Variants in SHOC2 observed in about 807,000 individuals in gnomAD.
SHOC2 encodes the protein SHOC2 leucine rich repeat scaffold protein.
Under a neutral mutation model 50.2 loss-of-function variants are expected in SHOC2, and 4 were observed. The observed-to-expected ratio is 0.08, with a 90% CI of 0.04 to 0.18. SHOC2 has a LOEUF of 0.18. SHOC2 is among the 10% of genes least tolerant of loss of function. SHOC2 has a pLI of 1.00. For synonymous variants in SHOC2, 218 were observed against 244.5 expected, an observed-to-expected ratio of 0.89 and a Z score of 1.01; for missense variants, 388 against 669.6, an observed-to-expected ratio of 0.58 and a Z score of 4.64.
At chr10:110,997,490 C>T (rs765101567) in intron 3 of SHOC2, among the ~76,000 whole-genome samples, 8 of 151,880 alleles carry the variant, frequency 5.3e-5, no homozygotes, top group East Asian at 1.9e-4. Context: ...CTGTTTCTTA[C>T]GTTGTTGAAA....
chr10:110,985,179 A>G (rs1848055069), intron 2 of SHOC2, among the ~76,000 whole-genome samples: 1 of 152,102 alleles, frequency 6.6e-6, no homozygotes, highest in Non-Finnish European at 1.5e-5. Context: ...CCATGTCTTG[A>G]GGTAGATTAT....
Position 111,011,955 on chromosome 10 carries a change from G to T in SHOC2, c.*137G>T. 1 of 739,252 alleles carries T rather than the reference G, an allele frequency of 1.4e-6. No homozygotes were observed. The highest frequency in any genetic ancestry group is 1.7e-5 in the South Asian group (1 of 60,046). 45.8% of individuals were successfully genotyped at this position (739,252 alleles called of 1,614,324 possible). On this transcript the variant is annotated 3_prime_UTR_variant, in exon 9 of 9. Transcript: ENST00000369452. ...TGCATTATGTGTTTCTGCTAATAGA[G>T]GAATCATAGCCATTTAGAATTTTTT...
chr10:110,956,690 T>TA (rs1478417349), intron 1 of SHOC2, among the ~76,000 whole-genome samples: 2 of 152,228 alleles, frequency 1.3e-5, no homozygotes, highest in African/African-American at 4.8e-5. Flanking sequence ...TTTTAAATCT[T>TA]ACATTTATCT....
chr10:110,988,940 C>G (rs930018476), intron 3 of SHOC2: 1 of 500,884 alleles, frequency 2.0e-6, no homozygotes, highest in African/African-American at 2.0e-5. Flanking sequence ...TAGGTTGGTA[C>G]AAAAGCAATC....
intron 8 of SHOC2, among the ~76,000 whole-genome samples, chr10:111,010,266 A>G (rs1848542402): frequency 1.3e-5 from 2 of 152,182 alleles, no homozygotes; most frequent in Non-Finnish European, 2.9e-5. Context: ...TTTCATTTCC[A>G]TTATTTTATG....
intron 2 of SHOC2, among the ~76,000 whole-genome samples, chr10:110,976,316 CTT>C (rs746934269): frequency 9.8e-5 from 14 of 142,746 alleles, no homozygotes; most frequent in Non-Finnish European, 7.7e-5. Flanking sequence ...TTTATTTTGC[CTT>C]TTTTTTTTTT....
At chr10:110,931,420 A>G (rs1247405058) in intron 1 of SHOC2, among the ~76,000 whole-genome samples, 1 of 152,154 alleles carries the variant, frequency 6.6e-6, no homozygotes, top group Non-Finnish European at 1.5e-5. Context: ...TTGGTCTTCT[A>G]ACTTTGAAAG....
chr10:110,977,967 A>G (rs1490809941), intron 2 of SHOC2, among the ~76,000 whole-genome samples: 1 of 152,232 alleles, frequency 6.6e-6, no homozygotes, highest in Non-Finnish European at 1.5e-5. Context: ...ACTTTCTTGC[A>G]GATTGCACAA....
chr10:110,989,310 C>T (rs1848138724), intron 3 of SHOC2, among the ~76,000 whole-genome samples: 1 of 152,056 alleles, frequency 6.6e-6, no homozygotes, highest in Admixed American at 6.6e-5. Context: ...GGTAACATAC[C>T]TTGTTGTACT....
At chr10:110,953,537 A>G (rs1014573306) in intron 1 of SHOC2, among the ~76,000 whole-genome samples, 2 of 152,276 alleles carry the variant, frequency 1.3e-5, no homozygotes, top group South Asian at 4.1e-4. Flanking sequence ...TCACCCATTG[A>G]AAGACATCTT....
chr10:110,963,672 C>T (rs2134120017), intron 1 of SHOC2, among the ~76,000 whole-genome samples: 1 of 152,246 alleles, frequency 6.6e-6, no homozygotes, highest in East Asian at 1.9e-4. Context: ...TTGGCTCCAT[C>T]ATGTTTCCAA....
At chr10:110,928,966 T>G (rs937668060) in intron 1 of SHOC2, among the ~76,000 whole-genome samples, 1 of 152,180 alleles carries the variant, frequency 6.6e-6, no homozygotes, top group Non-Finnish European at 1.5e-5. Context: ...TGAAAAAACT[T>G]TCCTGGCTTT....
chr10:110,984,665 A>G (rs540338497), intron 2 of SHOC2, among the ~76,000 whole-genome samples: 30 of 152,332 alleles, frequency 2.0e-4, no homozygotes, highest in African/African-American at 7.2e-4. Flanking sequence ...CCAATTAAAA[A>G]TGAAAAGGTT....
intron 3 of SHOC2, among the ~76,000 whole-genome samples, chr10:110,992,785 T>C (rs1452562560): frequency 6.6e-6 from 1 of 152,216 alleles, no homozygotes; most frequent in Non-Finnish European, 1.5e-5. Flanking sequence ...TTTGGGTTTT[T>C]AACATTCAGG....
chr10:110,989,567 C>G (rs1011941085), intron 3 of SHOC2, among the ~76,000 whole-genome samples: 3 of 152,162 alleles, frequency 2.0e-5, no homozygotes, highest in African/African-American at 7.2e-5. Flanking sequence ...AACTTGTTAA[C>G]AGGTAGTTCT....
At chr10:110,937,086 T>C in intron 1 of SHOC2, 3 of 1,475,594 alleles carry the variant, frequency 2.0e-6, no homozygotes, top group Non-Finnish European at 2.8e-6. Context: ...TTCAACTTGT[T>C]TCTGTAGAAA....
intron 1 of SHOC2, among the ~76,000 whole-genome samples, chr10:110,927,058 T>A (rs932135681): frequency 6.6e-6 from 1 of 152,228 alleles, no homozygotes; most frequent in African/African-American, 2.4e-5. Context: ...CCTGTTGCAT[T>A]GATAAGACAA....
At chr10:110,934,641 A>T (rs1429051236) in intron 1 of SHOC2, among the ~76,000 whole-genome samples, 2 of 152,082 alleles carry the variant, frequency 1.3e-5, no homozygotes, top group Non-Finnish European at 2.9e-5. Flanking sequence ...GTCTCCTAAG[A>T]TATATTCCTT....
At chr10:110,969,077 A>G (rs563280343) in intron 2 of SHOC2, among the ~76,000 whole-genome samples, 2 of 152,202 alleles carry the variant, frequency 1.3e-5, no homozygotes, top group South Asian at 2.1e-4. Flanking sequence ...CCAGAGATCT[A>G]TCAGAAAGTA....
Sources: allele counts gnomAD v4.1 joint callset (sites outside exome capture counted in the v4.1 genomes callset), GRCh38; gene constraint gnomAD v4.1.1; transcripts MANE v1.5; gene names NCBI Gene and HGNC (gene_info 2026-07-23, HGNC 2026-07-21).